The following ITGA2 variants were observed in gnomAD, a reference collection of about 807,000 sequenced individuals.
ITGA2 encodes integrin alpha-2.
In ITGA2, 101 loss-of-function variants were observed where a neutral mutation model predicts 146.3. That is an observed-to-expected ratio of 0.69 (90% confidence interval 0.59 to 0.81). ITGA2 has a LOEUF of 0.81. Among genes scored for constraint, ITGA2 ranks in the 40% least tolerant of loss-of-function variants. The probability of loss-of-function intolerance (pLI) is 0.00; values close to 1 mark genes in which losing one functional copy is unlikely to be tolerated. For synonymous variants in ITGA2, 477 were observed against 487.1 expected (o/e 0.98, Z 0.27); for missense variants, 1,281 against 1,402.7 (o/e 0.91, Z 1.39).
intron 1 of ITGA2, among the ~76,000 whole-genome samples, chr5:52,989,816 A>ACG (rs1554050596): frequency 9.9e-5 from 14 of 140,726 alleles, no homozygotes; most frequent in Middle Eastern, 3.9e-3. Context: ...ACACACACGC[A>ACG]CACACACACA....
Position 53,091,928 on chromosome 5 carries a change from G to C in ITGA2, c.*1329G>C, listed in dbSNP as rs773148609. ...ATTAGCAGGTGCACCTTCTGTGGCTGTCTTGTTTCTGAAGTACTTAAACTT... is the reference window on the plus strand; with the variant it reads ...ATTAGCAGGTGCACCTTCTGTGGCTCTCTTGTTTCTGAAGTACTTAAACTT... On this transcript the variant is annotated 3_prime_UTR_variant, in exon 30 of 30. Coordinates refer to ENST00000296585, the MANE Select transcript of ITGA2 (RefSeq NM_002203.4). 5.3e-5 allele frequency: 8 copies of C among 152,204 alleles called. No homozygotes were observed. The highest frequency in any genetic ancestry group is 1.0e-4 in the Non-Finnish European group (7 of 68,034). The allele number at this position is 152,204 out of a possible 1,614,324, so 9.4% of individuals were successfully genotyped here.
chr5:53,054,090 A>G (rs1198098642), intron 7 of ITGA2, among the ~76,000 whole-genome samples: 1 of 152,164 alleles, frequency 6.6e-6, no homozygotes, highest in Admixed American at 6.5e-5. Flanking sequence ...TAGAATACAA[A>G]AAAGATTTTA....
intron 26 of ITGA2, among the ~76,000 whole-genome samples, chr5:53,082,816 A>G (rs1372982617): frequency 1.3e-5 from 2 of 152,112 alleles, no homozygotes; most frequent in Non-Finnish European, 2.9e-5. Flanking sequence ...CCTACACATC[A>G]TATGTGCTCT....
rs946696289 is a variant in ITGA2 at position 53,057,936 on chromosome 5, G to A, written c.1097-89G>A. 3.5e-6 allele frequency: 3 copies of A among 847,934 alleles called. No individual in the cohort carries two copies. In the African/African-American group the frequency reaches 5.0e-5, roughly 14 times the overall value. 52.5% of individuals were successfully genotyped at this position (847,934 alleles called of 1,614,324 possible). A position where few individuals can be genotyped will look rare whatever the true frequency, so the allele number is the denominator to read the frequency against. On this transcript the variant is annotated intron_variant, in intron 9 of 29. Coordinates refer to ENST00000296585, the MANE Select transcript of ITGA2 (RefSeq NM_002203.4). ...TGTGTGTTTGTGTTTGTGTTTGTAGGCATGTGTGTACATACGTGCCTGCTT... is the reference window on the plus strand; with the variant it reads ...TGTGTGTTTGTGTTTGTGTTTGTAGACATGTGTGTACATACGTGCCTGCTT...
chr5:53,058,039 G>C lies in ITGA2; in HGVS notation c.1111G>C (p.Gly371Arg), dbSNP rs1486311199. The C allele has an allele frequency of 6.2e-7, 1 of 1,610,978 alleles. No individual in the cohort carries two copies. Among genetic ancestry groups the C allele is most frequent in the Non-Finnish European group, 8.5e-7 (1 of 1,177,768 alleles). The change falls in exon 10 of 30, where the codon GGA (glycine) becomes CGA (arginine). Residue 371 changes from glycine to arginine, a missense_variant. Physicochemically the swap from Gly to Arg is moderately radical, Grantham distance 125. Transcript: ENST00000296585. ...GAATGTTCCAGGTACTGTTCAAGGAGGAGACAACTTTCAGATGGAAATGTC... is the reference window on the plus strand; with the variant it reads ...GAATGTTCCAGGTACTGTTCAAGGACGAGACAACTTTCAGATGGAAATGTC... ...IFSIEGTVQG[G>R]DNFQMEMSQV...
chr5:53,070,342 GA>G (rs1745332695), intron 17 of ITGA2, 82 bp downstream of exon 17: 2 of 1,413,924 alleles, frequency 1.4e-6, no homozygotes, highest in South Asian at 2.3e-5. Context: ...GGAAGCTTAT[GA>G]GTTAGAAAAT....
At chr5:53,015,333 A>G (rs153139) in intron 1 of ITGA2, among the ~76,000 whole-genome samples, 143,718 of 152,258 alleles carry the variant, frequency 0.94, 67,892 homozygotes, top group Non-Finnish European at 0.96. Context: ...CTTGACTTCT[A>G]CCTTAATTTC....
Position 53,083,448 on chromosome 5 carries a change from G to GC in ITGA2, c.3254dup (p.Ser1086IlefsTer19). On this transcript the variant is annotated frameshift_variant, in exon 27 of 30. Coordinates refer to ENST00000296585, the MANE Select transcript of ITGA2 (RefSeq NM_002203.4). LOFTEE classifies it high-confidence loss of function. ...TACCAGAATTTGGAACGGGACTTTC[G>GC]CATCAGTAAGTATCAGTTTTATTTG... 6.6e-7 allele frequency: 1 copy of GC among 1,522,366 alleles called. No homozygotes were observed. The highest frequency in any genetic ancestry group is 9.1e-7 in the Non-Finnish European group (1 of 1,096,294). 94.3% of individuals were successfully genotyped at this position (1,522,366 alleles called of 1,614,324 possible). A position where few individuals can be genotyped will look rare whatever the true frequency, so the allele number is the denominator to read the frequency against.
At chr5:53,051,121 A>C (rs567366437) in intron 6 of ITGA2, among the ~76,000 whole-genome samples, 8 of 152,210 alleles carry the variant, frequency 5.3e-5, no homozygotes, top group Non-Finnish European at 8.8e-5. Flanking sequence ...CCATATTAAA[A>C]TATTATATGG....
chr5:53,048,331 T>C, intron 4 of ITGA2, 32 bp from the exon 5 acceptor site: 2 of 1,531,648 alleles, frequency 1.3e-6, no homozygotes, highest in Non-Finnish European at 1.8e-6. Context: ...TTTTCATGTG[T>C]TTCCATTGAT....
In ITGA2 at chr5:52,989,370, G is replaced by C. The variant is rs886060656; in HGVS notation, c.-99G>C. 3.0e-5 allele frequency: 38 copies of C among 1,273,250 alleles called. No individual in the cohort carries two copies. The Middle Eastern group carries it at 9.2e-4, about 31-fold the overall frequency. The allele number at this position is 1,273,250 out of a possible 1,614,324, so 78.9% of individuals were successfully genotyped here. On this transcript the variant is annotated 5_prime_UTR_variant, in exon 1 of 30. Coordinates refer to ENST00000296585, the MANE Select transcript of ITGA2 (RefSeq NM_002203.4). Reference sequence around the variant, plus strand: ...GCGGGGGAGAGAAGCCCTCTGGACAGCTTCTAGAGTGTGCAGGTTCTCGTA... The same window carrying C: ...GCGGGGGAGAGAAGCCCTCTGGACACCTTCTAGAGTGTGCAGGTTCTCGTA...
chr5:53,056,136 T>A lies in ITGA2; in HGVS notation c.1083T>A (p.Ile361=). ...AGGCTGGGACATTAGGAGAACAAAT[T>A]TTCAGCATTGAAGGTAAAAAAAATA... ...LEKAGTLGEQ[I]FSIEGTVQGG... The change falls in exon 9 of 30, where the codon ATT becomes ATA. Residue 361 remains isoleucine, a synonymous_variant. Transcript: ENST00000296585. The A allele has an allele frequency of 6.2e-7, 1 of 1,611,564 alleles. No individual in the cohort carries two copies.
intron 2 of ITGA2, among the ~76,000 whole-genome samples, chr5:53,035,705 A>G (rs891964256): frequency 1.3e-5 from 2 of 152,196 alleles, no homozygotes; most frequent in Non-Finnish European, 2.9e-5. Context: ...AATTCATTTT[A>G]TGTTTACCAG....
rs41377544 is a variant in ITGA2, at chr5:53,055,629, A to C, written c.871A>C (p.Met291Leu). ...TGACGGTGAATCACATGATGGTTCA[A>C]TGTTGAAAGCTGTGATTGATCAATG... ...VTDGESHDGS[M>L]LKAVIDQCNH... is the part of the protein sequence containing the mutation. Residue 291 changes from methionine (M) to leucine (L), a missense_variant, in exon 8 of 30, where the codon ATG becomes CTG. Met to Leu is a conservative substitution (Grantham distance 15, BLOSUM62 2). This residue lies in a region of ITGA2 where 795 missense variants were observed against 841.7 expected (regional missense o/e 0.94). Coordinates refer to ENST00000296585, the MANE Select transcript of ITGA2 (RefSeq NM_002203.4). The C allele has an allele frequency of 5.0e-6, 8 of 1,613,204 alleles. No homozygotes were observed. In the African/African-American group the frequency reaches 9.3e-5, roughly 19 times the overall value.
At chr5:53,065,244 T>C (rs889594021) in intron 14 of ITGA2, 129 bp downstream of exon 14, 16 of 931,786 alleles carry the variant, frequency 1.7e-5, no homozygotes, top group African/African-American at 1.5e-4. Flanking sequence ...TCAGCAAATA[T>C]AAAGTGAGCC....
At chr5:53,044,635 A>G (rs79794836) in intron 3 of ITGA2, among the ~76,000 whole-genome samples, 1 of 147,784 alleles carries the variant, frequency 6.8e-6, no homozygotes, top group Non-Finnish European at 1.5e-5. Flanking sequence ...ACTGACCCAG[A>G]AAAAAAAAAA....
Position 53,059,737 on chromosome 5 carries a change from A to G in ITGA2, c.1174-137A>G, listed in dbSNP as rs757972632. On this transcript the variant is annotated intron_variant, in intron 10 of 29. Coordinates refer to ENST00000296585, the MANE Select transcript of ITGA2 (RefSeq NM_002203.4). ...ACAAATATATTAAGACAATTCTACA[A>G]TATGTCAATATATGTTCATATATAT... 3.2e-4 allele frequency: 271 copies of G among 857,228 alleles called. 3 individuals carry two copies. The highest frequency in any genetic ancestry group is 9.6e-4 in the Admixed American group (46 of 47,714). The allele number at this position is 857,228 out of a possible 1,614,324, so 53.1% of individuals were successfully genotyped here.
chr5:53,054,833 G>A (rs970110928), intron 7 of ITGA2, among the ~76,000 whole-genome samples: 3 of 152,030 alleles, frequency 2.0e-5, no homozygotes, highest in African/African-American at 7.2e-5. Context: ...ATTGGATTCA[G>A]TGTATTCTGC....
chr5:53,046,445 T>C (rs1027435416), intron 4 of ITGA2, among the ~76,000 whole-genome samples: 41 of 152,040 alleles, frequency 2.7e-4, no homozygotes, highest in Non-Finnish European at 8.8e-5. Context: ...CATAAATGAA[T>C]ATTGCAATGG....
Sources: gnomAD v4.1 joint callset for allele counts (sites outside exome capture counted in the v4.1 genomes callset) on GRCh38, gnomAD v4.1.1 for gene constraint, gnomAD v4.1.1 regional missense constraint, MANE v1.5 for transcripts, NCBI Gene and HGNC (gene_info 2026-07-23, HGNC 2026-07-21) for gene names.